Variants in ZNF608 observed in about 807,000 individuals in gnomAD.
The protein encoded by ZNF608 is zinc finger protein 608, also known as renal carcinoma antigen NY-REN-36.
Under a neutral mutation model 109.0 loss-of-function variants are expected in ZNF608, and 12 were observed. That is an observed-to-expected ratio of 0.11 (90% CI 0.07 to 0.18). The LOEUF (loss-of-function observed/expected upper bound fraction) is 0.18. Among genes scored for constraint, ZNF608 ranks in the 10% least tolerant of loss-of-function variants. The pLI is 1.00. For synonymous variants in ZNF608, 732 were observed against 717.4 expected (o/e 1.02, Z -0.33); for missense variants, 1,707 against 1,879.3 (o/e 0.91, Z 1.70).
chr5:124,737,329 G>A (rs1749197101), intron 2 of ZNF608, among the ~76,000 whole-genome samples: 1 of 152,176 alleles, frequency 6.6e-6, no homozygotes, highest in South Asian at 2.1e-4. Context: ...GGATTCCCAG[G>A]AGGCAGAAAG....
intron 2 of ZNF608, among the ~76,000 whole-genome samples, chr5:124,740,047 C>A (rs1749316054): frequency 6.6e-6 from 1 of 152,070 alleles, no homozygotes; most frequent in African/African-American, 2.4e-5. Context: ...ACTATCAATC[C>A]CTCCCCCCAC....
upstream of ZNF608, chr5:124,748,797 CA>C (rs10712811): frequency 0.34 from 51,767 of 152,966 alleles, 9,431 homozygotes; most frequent in Middle Eastern, 0.48. Flanking sequence ...AACACACACA[CA>C]GGGGGAGTGG....
Position 124,701,246 on chromosome 5 carries a change from T to C in ZNF608, c.930A>G (p.Pro310=), listed in dbSNP as rs1220105150. 1 of 1,614,142 alleles carries C rather than the reference T, an allele frequency of 6.2e-7. No homozygotes were observed. The highest frequency in any genetic ancestry group is 8.5e-7 in the Non-Finnish European group (1 of 1,180,002). The change falls in exon 3 of 10, where the codon CCA becomes CCG. Residue 310 remains proline (P), a synonymous_variant. Coordinates refer to ENST00000513986, the MANE Select transcript of ZNF608 (RefSeq NM_020747.3). ...TGCTGGAAATCGGCGGTGGTGGCGC[T>C]GGCACTGTAAACAGGGGGTCAACCT... ...TEKVDPLFTV[P]APPPPISSSL...
intron 3 of ZNF608, among the ~76,000 whole-genome samples, chr5:124,650,051 C>T (rs1750712233): frequency 6.6e-6 from 1 of 152,348 alleles, no homozygotes; most frequent in South Asian, 2.1e-4. Flanking sequence ...TAATTGCTTT[C>T]GTTTGGCAAG....
intron 3 of ZNF608, among the ~76,000 whole-genome samples, chr5:124,694,571 C>G (rs534693292): frequency 1.1e-4 from 16 of 151,804 alleles, no homozygotes; most frequent in Non-Finnish European, 2.4e-4. Context: ...CCATCCACAC[C>G]TTCTTTTTTT....
intron 3 of ZNF608, among the ~76,000 whole-genome samples, chr5:124,671,793 A>G (rs920110496): frequency 1.3e-5 from 2 of 151,432 alleles, no homozygotes; most frequent in Admixed American, 6.6e-5. Flanking sequence ...GAGCCACCAC[A>G]CCTGGCTAAT....
chr5:124,647,640 G>A lies in ZNF608; in HGVS notation c.2744C>T (p.Pro915Leu), dbSNP rs1750588427. 1 of 1,614,078 alleles carries A rather than the reference G, an allele frequency of 6.2e-7. No individual in the cohort carries two copies. Among genetic ancestry groups the A allele is most frequent in the Non-Finnish European group, 8.5e-7 (1 of 1,180,054 alleles). Residue 915 changes from proline to leucine, a missense_variant, in exon 5 of 10, where the codon CCA becomes CTA. Pro to Leu is a moderately conservative substitution (Grantham distance 98). This residue lies in a region of ZNF608 where 1,073 missense variants were observed against 1,133.5 expected (regional missense o/e 0.95). Transcript: ENST00000513986. ...ECSTLVNGQA[P>L]MAPLHVLTQN... ...GGTCAACACATGCAGAGGTGCCATT[G>A]GTGCCTGCCCGTTCACCAAAGTGCT...
intron 3 of ZNF608, among the ~76,000 whole-genome samples, chr5:124,656,799 AACACACAC>A (rs35634231): frequency 0.13 from 15,615 of 123,834 alleles, 966 homozygotes; most frequent in Non-Finnish European, 0.14. Flanking sequence ...ATAAGCCCTA[AACACACAC>A]ACACACACAC....
chr5:124,649,483 A>C, intron 4 of ZNF608, 127 bp downstream of exon 4: 1 of 700,126 alleles, frequency 1.4e-6, no homozygotes, highest in Non-Finnish European at 2.3e-6. Flanking sequence ...GTTCAATCCT[A>C]AATTGCTCAT....
At chr5:124,690,949 AC>A (rs1431196444) in intron 3 of ZNF608, among the ~76,000 whole-genome samples, 5 of 42,268 alleles carry the variant, frequency 1.2e-4, no homozygotes, top group Non-Finnish European at 1.1e-4. Context: ...ACACACACAC[AC>A]ACACATAATG....
intron 2 of ZNF608, among the ~76,000 whole-genome samples, chr5:124,728,183 C>T (rs1177511639): frequency 6.6e-6 from 1 of 152,106 alleles, no homozygotes; most frequent in East Asian, 1.9e-4. Flanking sequence ...CAGTCCCTAC[C>T]TTTGAATTCC....
intron 2 of ZNF608, among the ~76,000 whole-genome samples, chr5:124,706,056 T>C (rs775014314): frequency 6.6e-6 from 1 of 152,170 alleles, no homozygotes; most frequent in African/African-American, 2.4e-5. Context: ...ATCATACAAA[T>C]ATAGCAAAAT....
intron 2 of ZNF608, among the ~76,000 whole-genome samples, chr5:124,704,941 C>T (rs1311526788): frequency 2.0e-5 from 3 of 152,046 alleles, no homozygotes. Context: ...TCAACATACA[C>T]TGGGAAACAG....
chr5:124,714,758 T>C (rs1445628082), intron 2 of ZNF608, among the ~76,000 whole-genome samples: 2 of 152,256 alleles, frequency 1.3e-5, no homozygotes, highest in Non-Finnish European at 2.9e-5. Context: ...CACATGTTCA[T>C]AGGGCTTGCT....
intron 2 of ZNF608, among the ~76,000 whole-genome samples, chr5:124,724,352 G>T (rs1754053912): frequency 6.6e-6 from 1 of 151,978 alleles, no homozygotes; most frequent in Non-Finnish European, 1.5e-5. Flanking sequence ...TTTTAGTGTA[G>T]TTTGAACTTT....
At chr5:124,721,850 G>A (rs1293566022) in intron 2 of ZNF608, among the ~76,000 whole-genome samples, 3 of 142,226 alleles carry the variant, frequency 2.1e-5, no homozygotes, top group East Asian at 4.3e-4. Flanking sequence ...GCTGTAGCAG[G>A]AGAATTGCTT....
At chr5:124,639,039 G>C in intron 9 of ZNF608, 94 bp downstream of exon 9, 1 of 1,208,598 alleles carries the variant, frequency 8.3e-7, no homozygotes. Flanking sequence ...AACCCAAGGA[G>C]TTAAGTTTTT....
intron 2 of ZNF608, among the ~76,000 whole-genome samples, chr5:124,739,214 T>G (rs1045646564): frequency 2.6e-5 from 4 of 152,172 alleles, no homozygotes; most frequent in Non-Finnish European, 4.4e-5. Flanking sequence ...TTAGCTTCAA[T>G]AAAAGACCTC....
At chr5:124,724,130 A>G (rs577376554) in intron 2 of ZNF608, among the ~76,000 whole-genome samples, 1 of 152,316 alleles carries the variant, frequency 6.6e-6, no homozygotes, top group East Asian at 1.9e-4. Context: ...TGAAACACAC[A>G]TGTGCAAAGA....
Sources: allele counts gnomAD v4.1 joint callset (sites outside exome capture counted in the v4.1 genomes callset), GRCh38; gene constraint gnomAD v4.1.1; regional missense constraint gnomAD v4.1.1; transcripts MANE v1.5; gene names NCBI Gene and HGNC (gene_info 2026-07-23, HGNC 2026-07-21).